Variants in FRMD4A observed in about 807,000 individuals in gnomAD.
The protein encoded by FRMD4A is FERM domain-containing protein 4A.
In FRMD4A, 29 loss-of-function variants were observed where a neutral mutation model predicts 129.1. The observed-to-expected ratio is 0.22, with a 90% CI of 0.17 to 0.31. FRMD4A has a LOEUF of 0.31. Ranked by LOEUF, FRMD4A falls within the 10% of genes least tolerant of loss-of-function variation. The pLI is 1.00. For missense variants in FRMD4A, 1,272 were observed against 1,375.8 expected (o/e 0.92, Z 1.19); for synonymous variants, 634 against 571.6 (o/e 1.11, Z -1.56).
At chr10:13,734,180 G>A (rs1189620148) in intron 12 of FRMD4A, among the ~76,000 whole-genome samples, 1 of 152,128 alleles carries the variant, frequency 6.6e-6, no homozygotes, top group Non-Finnish European at 1.5e-5. Context: ...TACAGGTGAT[G>A]AGTAACACAC....
At chr10:13,991,815 A>C (rs550407611) in intron 2 of FRMD4A, 2 of 152,780 alleles carry the variant, frequency 1.3e-5, no homozygotes, top group South Asian at 4.1e-4. Flanking sequence ...CAAAGGCACA[A>C]AATATGTGCA....
At chr10:14,156,343 A>G (rs1214590380) in intron 2 of FRMD4A, among the ~76,000 whole-genome samples, 1 of 152,228 alleles carries the variant, frequency 6.6e-6, no homozygotes, top group Admixed American at 6.5e-5. Context: ...ATGAGTTATA[A>G]CAATACACAC....
At chr10:13,851,385 C>T (rs2094138015) in intron 3 of FRMD4A, among the ~76,000 whole-genome samples, 1 of 152,202 alleles carries the variant, frequency 6.6e-6, no homozygotes, top group African/African-American at 2.4e-5. Context: ...TCCCCAACCC[C>T]TGGGCCATGG....
intron 3 of FRMD4A, among the ~76,000 whole-genome samples, chr10:13,814,698 A>G (rs1376825713): frequency 3.9e-5 from 6 of 152,056 alleles, no homozygotes; most frequent in Non-Finnish European, 7.4e-5. Context: ...AGAGAAAAAA[A>G]AGAGAGCTAA....
At chr10:13,972,070 CAGGGACA>C in intron 2 of FRMD4A, 2 of 1,137,096 alleles carry the variant, frequency 1.8e-6, no homozygotes, top group Non-Finnish European at 2.2e-6. Context: ...GGGGACTCAC[CAGGGACA>C]AGGTAAAAAT....
At chr10:13,763,846 C>A (rs1180349722) in intron 6 of FRMD4A, among the ~76,000 whole-genome samples, 1 of 152,104 alleles carries the variant, frequency 6.6e-6, no homozygotes, top group Non-Finnish European at 1.5e-5. Flanking sequence ...AGTGATTTTC[C>A]TGTCTCAGCC....
At chr10:14,042,461 T>C (rs1025849015) in intron 2 of FRMD4A, among the ~76,000 whole-genome samples, 2 of 152,218 alleles carry the variant, frequency 1.3e-5, no homozygotes, top group Non-Finnish European at 1.5e-5. Flanking sequence ...CTTTGTTCAG[T>C]GTACTCTTGT....
At chr10:14,328,491 G>A (rs919359253) in intron 2 of FRMD4A, among the ~76,000 whole-genome samples, 2 of 151,940 alleles carry the variant, frequency 1.3e-5, no homozygotes, top group Non-Finnish European at 1.5e-5. Flanking sequence ...ATAGAAGAAA[G>A]GTCCAAGTAG....
intron 2 of FRMD4A, among the ~76,000 whole-genome samples, chr10:14,041,014 T>G (rs1223470118): frequency 6.6e-6 from 1 of 152,230 alleles, no homozygotes; most frequent in Non-Finnish European, 1.5e-5. Context: ...CTACTTCCTC[T>G]TAATCAAAGG....
intron 2 of FRMD4A, among the ~76,000 whole-genome samples, chr10:13,915,202 T>C (rs1341748319): frequency 6.6e-6 from 1 of 152,156 alleles, no homozygotes; most frequent in Non-Finnish European, 1.5e-5. Flanking sequence ...TGAGGAAGTG[T>C]TCAGGTCCAG....
In FRMD4A at chr10:13,877,342, C is replaced by T. The variant is rs2094498670; in HGVS notation, c.46-18430G>A. 5.3e-5 allele frequency among the ~76,000 whole-genome samples: 8 copies of T among 152,174 alleles called. No homozygotes were observed. In the South Asian group the frequency reaches 1.2e-3, roughly 24 times the overall value. On this transcript the variant is annotated intron_variant, in intron 2 of 24. Transcript: ENST00000357447. ...AATCCAAGGTCCACATGCTCAGATGCCAAGTCCTGCCACGTTTAGCAGGAA... is the reference window on the plus strand; with the variant it reads ...AATCCAAGGTCCACATGCTCAGATGTCAAGTCCTGCCACGTTTAGCAGGAA...
At chr10:14,142,269 T>C (rs1236456921) in intron 2 of FRMD4A, among the ~76,000 whole-genome samples, 4 of 152,228 alleles carry the variant, frequency 2.6e-5, no homozygotes, top group Admixed American at 6.5e-5. Context: ...TTTCTATACA[T>C]GTTCTGGTGA....
At chr10:14,230,829 T>A (rs991248591) in intron 2 of FRMD4A, among the ~76,000 whole-genome samples, 1 of 152,202 alleles carries the variant, frequency 6.6e-6, no homozygotes, top group Non-Finnish European at 1.5e-5. Context: ...TTCCCTTCCT[T>A]GTGACCATGC....
At chr10:14,071,288 T>A (rs887470082) in intron 2 of FRMD4A, among the ~76,000 whole-genome samples, 2 of 152,200 alleles carry the variant, frequency 1.3e-5, no homozygotes, top group Non-Finnish European at 2.9e-5. Context: ...CAAGATTAAA[T>A]CAGGCTGGCA....
intron 2 of FRMD4A, among the ~76,000 whole-genome samples, chr10:14,042,733 TG>T (rs1833828016): frequency 6.6e-6 from 1 of 151,358 alleles, no homozygotes; most frequent in African/African-American, 2.4e-5. Flanking sequence ...GAGGTCGAGA[TG>T]GGTGGATCAT....
rs148335335 is a variant in FRMD4A at position 14,102,494 on chromosome 10, C to T, written c.45+227564G>A. On this transcript the variant is annotated intron_variant, in intron 2 of 24. Transcript: ENST00000357447. ...AGTAATTCCCTACTTATTTCTCATT[C>T]ACCCAGCTCTTCATTGCACAGGTAT... Among the ~76,000 whole-genome samples, 508 of 152,282 alleles carry T rather than the reference C, an allele frequency of 3.3e-3. 5 individuals carry two copies. Among genetic ancestry groups the T allele is most frequent in the African/African-American group, 0.01 (421 of 41,544 alleles).
At chr10:14,120,311 A>C (rs980723056) in intron 2 of FRMD4A, among the ~76,000 whole-genome samples, 1 of 151,856 alleles carries the variant, frequency 6.6e-6, no homozygotes, top group Non-Finnish European at 1.5e-5. Context: ...CTTAGGTCTA[A>C]ACTCAGTTCA....
intron 2 of FRMD4A, among the ~76,000 whole-genome samples, chr10:14,198,655 T>C (rs1842542085): frequency 1.3e-5 from 2 of 152,204 alleles, no homozygotes; most frequent in African/African-American, 2.4e-5. Flanking sequence ...GTTGAACAAA[T>C]CAGTATTTCA....
chr10:14,114,379 G>A (rs373153539), intron 2 of FRMD4A, among the ~76,000 whole-genome samples: 92 of 152,278 alleles, frequency 6.0e-4, no homozygotes, highest in Middle Eastern at 3.4e-3. Context: ...AAGAGCCAGC[G>A]GAAAGGGCAT....
Sources: allele counts gnomAD v4.1 joint callset (sites outside exome capture counted in the v4.1 genomes callset), GRCh38; gene constraint gnomAD v4.1.1; transcripts MANE v1.5; gene names NCBI Gene and HGNC (gene_info 2026-07-23, HGNC 2026-07-21).